ADGRL2: variants seen among roughly 807,000 people sequenced by gnomAD.
ADGRL2 encodes calcium-independent alpha-latrotoxin receptor 2.
A neutral mutation model predicts 157.4 loss-of-function variants in ADGRL2; 44 were observed. The observed-to-expected ratio is 0.28, with a 90% CI of 0.22 to 0.36. ADGRL2 has a LOEUF of 0.36. Among genes scored for constraint, ADGRL2 ranks in the 10% least tolerant of loss-of-function variants. ADGRL2 has a pLI of 1.00. For missense variants in ADGRL2, 1,510 were observed against 1,768.9 expected (o/e 0.85, Z 2.63); for synonymous variants, 585 against 624.7 (o/e 0.94, Z 0.95).
intron 2 of ADGRL2, among the ~76,000 whole-genome samples, chr1:81,879,270 C>G (rs1450221817): frequency 4.0e-5 from 6 of 150,118 alleles, no homozygotes; most frequent in Non-Finnish European, 7.4e-5. Context: ...GAGTAATTAG[C>G]GAGCAAGCTC....
chr1:81,708,388 A>G (rs776521646), intron 1 of ADGRL2, among the ~76,000 whole-genome samples: 43 of 152,216 alleles, frequency 2.8e-4, no homozygotes, highest in African/African-American at 1.0e-3. Context: ...GTGTATTTTG[A>G]TTATTTAAAG....
At chr1:81,530,373 G>T (rs957258412) in intron 2 of ADGRL2, among the ~76,000 whole-genome samples, 1 of 151,950 alleles carries the variant, frequency 6.6e-6, no homozygotes, top group African/African-American at 2.4e-5. Flanking sequence ...TTGAGACAGG[G>T]TCTGGCTCTT....
At chr1:81,558,377 T>A (rs765007375) in intron 2 of ADGRL2, among the ~76,000 whole-genome samples, 1 of 152,264 alleles carries the variant, frequency 6.6e-6, no homozygotes, top group Non-Finnish European at 1.5e-5. Flanking sequence ...TAAAAAAAAA[T>A]TTCTCACATG....
intron 2 of ADGRL2, among the ~76,000 whole-genome samples, chr1:81,903,647 TA>T (rs1482636564): frequency 6.6e-6 from 1 of 150,772 alleles, no homozygotes; most frequent in African/African-American, 2.4e-5. Flanking sequence ...CAGCACATAG[TA>T]ATTGCTTTGC....
At chr1:81,432,881 G>C (rs919208884) in intron 1 of ADGRL2, among the ~76,000 whole-genome samples, 2 of 152,136 alleles carry the variant, frequency 1.3e-5, no homozygotes, top group Admixed American at 6.5e-5. Flanking sequence ...ATCATGGGCC[G>C]TTCTATGGTT....
rs934577800 is a variant in ADGRL2 at position 81,354,168 on chromosome 1, T to C, written c.-302+47659T>C. ...ATAAGCCAGGCATTCAACAGTATTATATATGCATCATTTTATTTAATCCTC... is the reference window on the plus strand; with the variant it reads ...ATAAGCCAGGCATTCAACAGTATTACATATGCATCATTTTATTTAATCCTC... On this transcript the variant is annotated intron_variant, in intron 1 of 24. Transcript: ENST00000370721. Among the ~76,000 whole-genome samples, 5 of 152,326 alleles carry C rather than the reference T, an allele frequency of 3.3e-5. No homozygotes were observed. In the East Asian group the frequency reaches 7.7e-4, roughly 24 times the overall value.
intron 1 of ADGRL2, among the ~76,000 whole-genome samples, chr1:81,348,878 A>T (rs1662670718): frequency 6.6e-6 from 1 of 152,212 alleles, no homozygotes; most frequent in Admixed American, 6.5e-5. Context: ...TCATTGATTT[A>T]TGAATTTGTT....
intron 1 of ADGRL2, among the ~76,000 whole-genome samples, chr1:81,411,231 G>A (rs142387926): frequency 6.6e-6 from 1 of 152,214 alleles, no homozygotes; most frequent in Non-Finnish European, 1.5e-5. Context: ...CAGAGTTGGC[G>A]AATGCAGATG....
chr1:81,951,238 TA>T (rs200057725), intron 8 of ADGRL2, 117 bp downstream of exon 8: 342 of 621,890 alleles, frequency 5.5e-4, no homozygotes, highest in South Asian at 8.0e-4. Flanking sequence ...AGTATAAAAG[TA>T]AAAAAAAATT....
chr1:81,650,710 T>C (rs1489498702), intron 3 of ADGRL2, among the ~76,000 whole-genome samples: 1 of 152,130 alleles, frequency 6.6e-6, no homozygotes. Context: ...ATGAATGATA[T>C]CTTGTATTAG....
At chr1:81,486,742 CT>C in intron 2 of ADGRL2, among the ~76,000 whole-genome samples, 2 of 152,226 alleles carry the variant, frequency 1.3e-5, no homozygotes, top group African/African-American at 4.8e-5. Context: ...ATTTCTCATG[CT>C]TTGGACATAT....
chr1:81,625,312 C>G (rs984549830), intron 3 of ADGRL2, among the ~76,000 whole-genome samples: 3 of 152,138 alleles, frequency 2.0e-5, no homozygotes, highest in African/African-American at 7.2e-5. Flanking sequence ...CTCCCTCCCT[C>G]TCTCCTCTAA....
At chr1:81,532,805 A>G (rs2079633026) in intron 2 of ADGRL2, among the ~76,000 whole-genome samples, 1 of 152,106 alleles carries the variant, frequency 6.6e-6, no homozygotes, top group Non-Finnish European at 1.5e-5. Context: ...CTGTGGTCCC[A>G]GCCACTCGGG....
At chr1:81,513,104 T>G (rs1290931080) in intron 2 of ADGRL2, among the ~76,000 whole-genome samples, 1 of 152,196 alleles carries the variant, frequency 6.6e-6, no homozygotes, top group Non-Finnish European at 1.5e-5. Flanking sequence ...TCTTTAAAAT[T>G]TCTAATTAAA....
chr1:81,775,699 G>C (rs2086555156), intron 2 of ADGRL2, among the ~76,000 whole-genome samples: 1 of 152,052 alleles, frequency 6.6e-6, no homozygotes, highest in Non-Finnish European at 1.5e-5. Flanking sequence ...CAGTTACTCT[G>C]TGCTCAGATG....
chr1:81,643,109 A>T (rs534769511), intron 3 of ADGRL2, among the ~76,000 whole-genome samples: 134 of 152,340 alleles, frequency 8.8e-4, no homozygotes, highest in African/African-American at 2.9e-3. Flanking sequence ...GGAAATAAAA[A>T]GTATACAGAT....
intron 1 of ADGRL2, among the ~76,000 whole-genome samples, chr1:81,399,036 G>A (rs1284078627): frequency 6.6e-6 from 1 of 152,160 alleles, no homozygotes. Context: ...AGTTCCTGAA[G>A]CTTAACAGGA....
chr1:81,457,840 C>A (rs970560662), intron 2 of ADGRL2, among the ~76,000 whole-genome samples: 1 of 152,152 alleles, frequency 6.6e-6, no homozygotes, highest in African/African-American at 2.4e-5. Context: ...ATAGCAGGAG[C>A]TTTAGAATCA....
At chr1:81,309,820 A>G (rs893087476) in intron 1 of ADGRL2, among the ~76,000 whole-genome samples, 1 of 152,144 alleles carries the variant, frequency 6.6e-6, no homozygotes, top group Non-Finnish European at 1.5e-5. Flanking sequence ...CTGTCTAAAG[A>G]GCAAGATTGA....
Sources: gnomAD v4.1 joint callset for allele counts (sites outside exome capture counted in the v4.1 genomes callset) on GRCh38, gnomAD v4.1.1 for gene constraint, MANE v1.5 for transcripts, NCBI Gene and HGNC (gene_info 2026-07-23, HGNC 2026-07-21) for gene names.